The following NAALADL2 variants were observed in gnomAD, a reference collection of about 807,000 sequenced individuals.
The protein encoded by NAALADL2 is inactive N-acetylated-alpha-linked acidic dipeptidase-like protein 2.
In NAALADL2, 76 loss-of-function variants were observed where a neutral mutation model predicts 87.2. The ratio of observed to expected loss-of-function variants is 0.87; its 90% CI spans 0.72 to 1.05. The LOEUF (loss-of-function observed/expected upper bound fraction) is 1.05. Ranked by LOEUF, NAALADL2 falls within the 50% of genes least tolerant of loss-of-function variation. NAALADL2 has a pLI of 0.00. For missense variants in NAALADL2, 1,089 were observed against 945.8 expected (o/e 1.15, Z -1.99); for synonymous variants, 354 against 331.0 (o/e 1.07, Z -0.75).
chr3:175,438,247 G>A (rs993928858), intron 5 of NAALADL2, among the ~76,000 whole-genome samples: 1 of 152,046 alleles, frequency 6.6e-6, no homozygotes, highest in Non-Finnish European at 1.5e-5. Context: ...GACTAGGCTT[G>A]ATAGAAAATG....
At chr3:175,200,994 C>T (rs1294871629) in intron 2 of NAALADL2, among the ~76,000 whole-genome samples, 1 of 152,142 alleles carries the variant, frequency 6.6e-6, no homozygotes, top group Non-Finnish European at 1.5e-5. Flanking sequence ...ACAGATAGCA[C>T]CTCTTCCATG....
intron 4 of NAALADL2, among the ~76,000 whole-genome samples, chr3:175,309,215 C>T (rs1758052734): frequency 6.6e-6 from 1 of 151,486 alleles, no homozygotes; most frequent in Admixed American, 6.6e-5. Flanking sequence ...GACGGAGTTT[C>T]ACTCTTGTCA....
chr3:174,668,030 G>A (rs971959623), intron 2 of NAALADL2, among the ~76,000 whole-genome samples: 4 of 151,966 alleles, frequency 2.6e-5, no homozygotes, highest in African/African-American at 7.3e-5. Flanking sequence ...TGCAAAACTT[G>A]TTCTGTTCTT....
At chr3:175,086,527 A>G (rs760065276) in intron 1 of NAALADL2, among the ~76,000 whole-genome samples, 2 of 152,206 alleles carry the variant, frequency 1.3e-5, no homozygotes, top group Non-Finnish European at 2.9e-5. Context: ...ATACAATATT[A>G]TAATAAATGA....
At chr3:174,561,539 T>C (rs565820958) in intron 2 of NAALADL2, among the ~76,000 whole-genome samples, 89 of 152,156 alleles carry the variant, frequency 5.8e-4, no homozygotes, top group Admixed American at 1.5e-3. Flanking sequence ...TGGTCACACA[T>C]CACCTAAGGA....
intron 1 of NAALADL2, among the ~76,000 whole-genome samples, chr3:174,447,613 T>C (rs1017447097): frequency 5.9e-5 from 9 of 151,958 alleles, no homozygotes; most frequent in African/African-American, 2.2e-4. Flanking sequence ...GTCAGGAGAT[T>C]GAGACCATTC....
chr3:174,997,083 G>A (rs188223038), intron 1 of NAALADL2, among the ~76,000 whole-genome samples: 134 of 146,574 alleles, frequency 9.1e-4, no homozygotes, highest in African/African-American at 2.5e-3. Flanking sequence ...CCACTCGTTG[G>A]TCCATGAGCA....
At chr3:174,712,078 C>T (rs542283521) in intron 2 of NAALADL2, among the ~76,000 whole-genome samples, 74 of 152,116 alleles carry the variant, frequency 4.9e-4, no homozygotes, top group Non-Finnish European at 9.0e-4. Context: ...TGGGCCACCG[C>T]GCCCTGGCCT....
intron 1 of NAALADL2, among the ~76,000 whole-genome samples, chr3:174,940,614 T>G (rs1208225078): frequency 6.6e-6 from 1 of 152,134 alleles, no homozygotes; most frequent in African/African-American, 2.4e-5. Context: ...GTCCCTGTAG[T>G]AGAATTCAGC....
At chr3:175,757,935 T>C (rs764134398) in intron 13 of NAALADL2, among the ~76,000 whole-genome samples, 3 of 152,076 alleles carry the variant, frequency 2.0e-5, no homozygotes, top group Non-Finnish European at 2.9e-5. Context: ...ATTCAGAAAT[T>C]AATACAAATT....
At chr3:174,771,832 G>C in intron 3 of NAALADL2, among the ~76,000 whole-genome samples, 1 of 152,144 alleles carries the variant, frequency 6.6e-6, no homozygotes, top group Non-Finnish European at 1.5e-5. Flanking sequence ...GAAAATTTCA[G>C]ACATTTTTAG....
intron 2 of NAALADL2, among the ~76,000 whole-genome samples, chr3:175,183,429 A>T (rs1050334005): frequency 1.2e-4 from 19 of 152,046 alleles, no homozygotes; most frequent in African/African-American, 4.3e-4. Context: ...TTAGAAAAAA[A>T]GCTTTTAACT....
At chr3:174,807,435 C>G (rs1332236745) in intron 3 of NAALADL2, among the ~76,000 whole-genome samples, 1 of 152,122 alleles carries the variant, frequency 6.6e-6, no homozygotes, top group Non-Finnish European at 1.5e-5. Flanking sequence ...CCCATATTAT[C>G]AGATATAGCA....
At chr3:175,463,697 C>G (rs73884420) in intron 7 of NAALADL2, among the ~76,000 whole-genome samples, 1 of 107,408 alleles carries the variant, frequency 9.3e-6, no homozygotes, top group Non-Finnish European at 1.7e-5. Context: ...AAATCTTAGT[C>G]GGGGGAGAGA....
intron 4 of NAALADL2, among the ~76,000 whole-genome samples, chr3:175,319,840 G>A (rs1419379445): frequency 6.6e-6 from 1 of 152,042 alleles, no homozygotes; most frequent in Non-Finnish European, 1.5e-5. Flanking sequence ...AATAAAAATA[G>A]CTGTTGTGCC....
At chr3:174,559,462 C>G (rs1713308087) in intron 2 of NAALADL2, among the ~76,000 whole-genome samples, 1 of 152,148 alleles carries the variant, frequency 6.6e-6, no homozygotes, top group Admixed American at 6.5e-5. Context: ...ATTCCTGAAA[C>G]TGGGGTTAAT....
intron 5 of NAALADL2, among the ~76,000 whole-genome samples, chr3:175,446,573 C>T (rs565541248): frequency 2.0e-5 from 3 of 152,228 alleles, no homozygotes; most frequent in South Asian, 2.1e-4. Flanking sequence ...TGATGTTTCT[C>T]GCTGTATTTG....
At chr3:174,448,320 T>G (rs1715212963) in intron 1 of NAALADL2, among the ~76,000 whole-genome samples, 1 of 152,238 alleles carries the variant, frequency 6.6e-6, no homozygotes, top group South Asian at 2.1e-4. Context: ...TGTAGATTCA[T>G]GTAATCGTCA....
At chr3:175,658,247 A>G (rs920877970) in intron 11 of NAALADL2, among the ~76,000 whole-genome samples, 1 of 152,126 alleles carries the variant, frequency 6.6e-6, no homozygotes, top group African/African-American at 2.4e-5. Flanking sequence ...TTTAATCTAC[A>G]TGCAATGGTT....
Sources: allele counts gnomAD v4.1 joint callset (sites outside exome capture counted in the v4.1 genomes callset), GRCh38; gene constraint gnomAD v4.1.1; transcripts MANE v1.5; gene names NCBI Gene and HGNC (gene_info 2026-07-23, HGNC 2026-07-21).